Variants in UVSSA observed in about 807,000 individuals in gnomAD.
UVSSA encodes UV-stimulated scaffold protein A.
In UVSSA, 72 loss-of-function variants were observed where a neutral mutation model predicts 73.9. The observed-to-expected ratio is 0.97, with a 90% CI of 0.81 to 1.19. The LOEUF is 1.19. UVSSA is among the 50% of genes most tolerant of loss of function. The pLI is 0.00. For missense variants in UVSSA, 1,150 were observed against 965.0 expected, an observed-to-expected ratio of 1.19 and a Z score of -2.54; for synonymous variants, 454 against 391.3, an observed-to-expected ratio of 1.16 and a Z score of -1.89.
At chr4:1,381,650 C>T (rs980761698) in intron 12 of UVSSA, among the ~76,000 whole-genome samples, 2 of 151,688 alleles carry the variant, frequency 1.3e-5, no homozygotes, top group Non-Finnish European at 2.9e-5. Flanking sequence ...CCCTGGCCAG[C>T]CTCAGGCGCT....
chr4:1,382,328 C>T (rs752498556), intron 12 of UVSSA, among the ~76,000 whole-genome samples: 51 of 152,224 alleles, frequency 3.4e-4, no homozygotes, highest in South Asian at 8.3e-4. Context: ...CCGCGGGCTG[C>T]GGCCAGCGCT....
At chr4:1,348,963 G>A (rs555889341) in intron 2 of UVSSA, among the ~76,000 whole-genome samples, 3 of 151,518 alleles carry the variant, frequency 2.0e-5, no homozygotes, top group East Asian at 1.9e-4. Context: ...GGCGGTGTGC[G>A]TTGTGCCAGG....
chr4:1,376,822 G>A (rs948629897), intron 10 of UVSSA, among the ~76,000 whole-genome samples: 1 of 152,184 alleles, frequency 6.6e-6, no homozygotes, highest in South Asian at 2.1e-4. Context: ...AGCTCCTGCC[G>A]CAGGACGGTT....
chr4:1,349,681 T>C lies in UVSSA; in HGVS notation c.256T>C (p.Phe86Leu). ...RMLVVSNFQE[F>L]LELTLGTDPA... ...GCTGGTTGTTTCCAACTTCCAGGAG[T>C]TCCTGGAGCTCACGCTGGGCACAGA... is the stretch of plus-strand genomic sequence containing the variant. The change falls in exon 3 of 14, where the codon TTC (phenylalanine) becomes CTC (leucine). Residue 86 changes from phenylalanine to leucine, a missense_variant. Transcript: ENST00000389851. 1 of 1,613,648 alleles carries C rather than the reference T, an allele frequency of 6.2e-7. No individual in the cohort carries two copies. Among genetic ancestry groups the C allele is most frequent in the Non-Finnish European group, 8.5e-7 (1 of 1,179,908 alleles).
At chr4:1,359,157 A>G (rs747796505) in intron 7 of UVSSA, 3 of 152,240 alleles carry the variant, frequency 2.0e-5, no homozygotes, top group Non-Finnish European at 4.4e-5. Context: ...TGTGCTGTGC[A>G]TTTGGAGTGC....
At chr4:1,368,020 G>C (rs186279089) in intron 8 of UVSSA, among the ~76,000 whole-genome samples, 119 of 152,396 alleles carry the variant, frequency 7.8e-4, no homozygotes, top group African/African-American at 2.8e-3. Flanking sequence ...CCCTCAGGTG[G>C]ACCAGGCCGT....
In UVSSA at chr4:1,352,669, C is replaced by T. The variant is rs540836540; in HGVS notation, c.551-361C>T. Among the ~76,000 whole-genome samples the T allele has an allele frequency of 1.1e-3, 161 of 152,362 alleles. 2 individuals carry two copies. The highest frequency in any genetic ancestry group is 3.4e-3 in the Middle Eastern group (1 of 294). On this transcript the variant is annotated intron_variant, in intron 4 of 13. Transcript: ENST00000389851. ...GTAAGCGGTTAAAAAGTGCAGCACACGACTGGGCGCGGTGACTCATGCCTG... is the reference window on the plus strand; with the variant it reads ...GTAAGCGGTTAAAAAGTGCAGCACATGACTGGGCGCGGTGACTCATGCCTG...
At position 1,378,802 on chromosome 4, in the gene UVSSA, G is replaced by A. The variant is rs74691928; in HGVS notation, c.1569-1245G>A. Among the ~76,000 whole-genome samples the A allele has an allele frequency of 9.2e-5, 14 of 152,334 alleles. No individual in the cohort carries two copies. The East Asian group carries it at 2.7e-3, about 29-fold the overall frequency. On this transcript the variant is annotated intron_variant, in intron 10 of 13. Coordinates refer to ENST00000389851, the MANE Select transcript of UVSSA (RefSeq NM_020894.4). ...TCAGGCACCCTCGGGGGAGCCGCAT[G>A]TACCTCCTTGACTGCGGGGCACATG...
At position 1,386,246 on chromosome 4, in the gene UVSSA, C is replaced by T; in HGVS notation, c.*285C>T. The T allele has an allele frequency of 2.6e-6, 1 of 386,102 alleles. No individual in the cohort carries two copies. The highest frequency in any genetic ancestry group is 4.9e-6 in the Non-Finnish European group (1 of 205,154). 23.9% of individuals were successfully genotyped at this position (386,102 alleles called of 1,614,324 possible). A position where few individuals can be genotyped will look rare whatever the true frequency, so the allele number is the denominator to read the frequency against. ...AGGGCTTCTGCGAGTCCTCGTGAGA[C>T]CAGTGCTTGTCGTGGTGTGGGGTTC... On this transcript the variant is annotated 3_prime_UTR_variant, in exon 14 of 14. Transcript: ENST00000389851.
intron 4 of UVSSA, among the ~76,000 whole-genome samples, chr4:1,352,821 T>C (rs937649612): frequency 1.1e-4 from 16 of 152,236 alleles, no homozygotes; most frequent in African/African-American, 3.4e-4. Flanking sequence ...ATCACGTGTC[T>C]GTAGTCCCAG....
At position 1,349,457 on chromosome 4, in the gene UVSSA, C is replaced by T. The variant is rs1041887270; in HGVS notation, c.99-67C>T. On this transcript the variant is annotated intron_variant, in intron 2 of 13. Coordinates refer to ENST00000389851, the MANE Select transcript of UVSSA (RefSeq NM_020894.4). ...CACACGTGCGTGCGGCATCCATGCA[C>T]GGAGAGTCTCCCCCCGCCCATCCTC... 41 of 1,502,994 alleles carry T rather than the reference C, an allele frequency of 2.7e-5. 1 individual carries two copies. The South Asian group carries it at 3.4e-4, about 12-fold the overall frequency. The allele number at this position is 1,502,994 out of a possible 1,614,324, so 93.1% of individuals were successfully genotyped here.
upstream of UVSSA, among the ~76,000 whole-genome samples, chr4:1,342,643 TCTTAA>T (rs1417465436): frequency 3.3e-5 from 5 of 152,346 alleles, no homozygotes; most frequent in East Asian, 1.9e-4. Flanking sequence ...GTAACACATC[TCTTAA>T]CTTGTGTGTG....
chr4:1,376,227 A>G, intron 10 of UVSSA, 59 bp downstream of exon 10: 1 of 1,532,458 alleles, frequency 6.5e-7, no homozygotes, highest in South Asian at 1.2e-5. Context: ...CAGCCTGAGG[A>G]GGGGGCTGCC....
rs763602199 is a variant in UVSSA, at chr4:1,353,103, T to C, written c.624T>C (p.Phe208=). The change falls in exon 5 of 14, where the codon TTT becomes TTC. Residue 208 remains phenylalanine, a synonymous_variant. Coordinates refer to ENST00000389851, the MANE Select transcript of UVSSA (RefSeq NM_020894.4). ...TTAGGCTGCTGGTGCCTTTTGACTT[T>C]GACCCGAACCCGGAGACGGAATCCC... ...SCFRLLVPFD[F]DPNPETESLG... 1 of 1,613,064 alleles carries C rather than the reference T, an allele frequency of 6.2e-7. No individual in the cohort carries two copies. The highest frequency in any genetic ancestry group is 1.3e-5 in the African/African-American group (1 of 75,068).
At chr4:1,370,381 G>A (rs1347743427) in intron 8 of UVSSA, among the ~76,000 whole-genome samples, 5 of 152,386 alleles carry the variant, frequency 3.3e-5, no homozygotes, top group Non-Finnish European at 5.9e-5. Context: ...TTGAGTGCCA[G>A]CGCTGAGCAG....
At chr4:1,377,805 G>A (rs755060923) in intron 10 of UVSSA, among the ~76,000 whole-genome samples, 2 of 152,246 alleles carry the variant, frequency 1.3e-5, no homozygotes, top group African/African-American at 4.8e-5. Context: ...CTGGTGCATC[G>A]AGCTCACGGC....
Position 1,395,136 on chromosome 4 carries a change from G to C in UVSSA, c.*9175G>C, listed in dbSNP as rs199653480. The C allele has an allele frequency of 3.9e-6, 5 of 1,287,896 alleles. 1 individual carries two copies. In the East Asian group the frequency reaches 9.3e-5, roughly 24 times the overall value. The allele number at this position is 1,287,896 out of a possible 1,614,324, so 79.8% of individuals were successfully genotyped here. The stretch of plus-strand genomic sequence containing the variant: ...TCACACGTGCCGATGTGGAGTGCCT[G>C]CCTGCTCACACGTGCCCATGTGGAG... On this transcript the variant is annotated 3_prime_UTR_variant, in exon 14 of 14. Coordinates refer to the UVSSA transcript ENST00000511216.
chr4:1,394,239 C>T, exon 14 of UVSSA: 1 of 646,288 alleles, frequency 1.5e-6, no homozygotes, highest in Non-Finnish European at 2.6e-6. Context: ...TCAGCGGCCA[C>T]TGTGGGCATC....
intron 3 of UVSSA, 39 bp from the exon 4 acceptor site, chr4:1,351,676 A>C (rs549503153): frequency 6.2e-7 from 1 of 1,605,116 alleles, no homozygotes; most frequent in Admixed American, 1.7e-5. Context: ...GGCGTGAGCC[A>C]CCGCGCCTGT....
Sources: allele counts gnomAD v4.1 joint callset (sites outside exome capture counted in the v4.1 genomes callset), GRCh38; gene constraint gnomAD v4.1.1; transcripts MANE v1.5; gene names NCBI Gene and HGNC (gene_info 2026-07-23, HGNC 2026-07-21).